Variants in RIMBP2 observed in about 807,000 individuals in gnomAD.
RIMBP2 encodes the protein RIMS-binding protein 2.
RIMBP2 carries 48 observed loss-of-function variants against 118.6 expected under a neutral mutation model. The observed-to-expected ratio is 0.40, with a 90% CI of 0.32 to 0.51. The LOEUF (loss-of-function observed/expected upper bound fraction) is 0.51, where lower values mean the gene tolerates loss of function less well. Among genes scored for constraint, RIMBP2 ranks in the 20% least tolerant of loss-of-function variants. The pLI, the probability that RIMBP2 is intolerant of heterozygous loss-of-function variation, is 0.41. For missense variants in RIMBP2, 1,551 were observed against 1,768.3 expected (o/e 0.88, Z 2.20); for synonymous variants, 762 against 742.9 (o/e 1.03, Z -0.42).
At chr12:130,438,335 A>AGCC in intron 12 of RIMBP2, 30 bp downstream of exon 12, 333 of 864,830 alleles carry the variant, frequency 3.9e-4, no homozygotes, top group Non-Finnish European at 5.5e-4. Flanking sequence ...GGCCTAACAA[A>AGCC]CCCTCCCCAC....
chr12:130,425,287 CT>C (rs1413525440), intron 15 of RIMBP2: 2 of 160,292 alleles, frequency 1.2e-5, no homozygotes, highest in Non-Finnish European at 2.7e-5. Context: ...CCGTGTGTGA[CT>C]GGAGACAGTT....
intron 4 of RIMBP2, among the ~76,000 whole-genome samples, chr12:130,492,367 C>T (rs2048718542): frequency 6.6e-6 from 1 of 150,986 alleles, no homozygotes; most frequent in Non-Finnish European, 1.5e-5. Context: ...TCAGTGAGGT[C>T]TATTTCAGCC....
rs1320760940 is a variant in RIMBP2, at chr12:130,646,052, TCCCTCACCACCTGCCTCTCC to T, written c.-351-17616_-351-17597del. ...TGCGGCAGCCAGTTCCCTCTCCACCTCCCTCACCACCTGCCTCTCCACCTCCCTCACCACTTCCCTCTCCA... is the reference window on the plus strand; with the variant it reads ...TGCGGCAGCCAGTTCCCTCTCCACCTACCTCCCTCACCACTTCCCTCTCCA... On this transcript the variant is annotated intron_variant, in intron 1 of 22. Coordinates refer to ENST00000690449, the MANE Select transcript of RIMBP2 (RefSeq NM_001393629.1). 9.6e-4 allele frequency among the ~76,000 whole-genome samples: 125 copies of T among 130,280 alleles called. 5 individuals carry two copies. The highest frequency in any genetic ancestry group is 3.8e-3 in the Admixed American group (48 of 12,736). The allele number at this position is 130,280 out of a possible 152,430, so 85.5% of individuals were successfully genotyped here.
At chr12:130,651,374 G>A (rs1310163828) in intron 1 of RIMBP2, 2 of 152,334 alleles carry the variant, frequency 1.3e-5, no homozygotes, top group Non-Finnish European at 2.9e-5. Context: ...TGGCGTTGAG[G>A]AGGCTGTCAA....
chr12:130,670,277 G>T lies in RIMBP2; in HGVS notation c.-351-41821C>A, dbSNP rs2064139459. Among the ~76,000 whole-genome samples, 1 of 152,146 alleles carries T rather than the reference G, an allele frequency of 6.6e-6. No homozygotes were observed. Among genetic ancestry groups the T allele is most frequent in the Non-Finnish European group, 1.5e-5 (1 of 68,030 alleles). ...CCTCAGACTTCCGATCTCCAGAACTGAAGTTTTAGGACTCTATATTTATGG... is the reference window on the plus strand; with the variant it reads ...CCTCAGACTTCCGATCTCCAGAACTTAAGTTTTAGGACTCTATATTTATGG... On this transcript the variant is annotated intron_variant, in intron 1 of 22. Transcript: ENST00000690449. This position sits in a 1 kb window ranked among gnomAD's most constrained non-coding sequence, Gnocchi z 4.9.
intron 2 of RIMBP2, among the ~76,000 whole-genome samples, chr12:130,551,434 A>G (rs1304615208): frequency 2.0e-5 from 3 of 152,220 alleles, no homozygotes; most frequent in African/African-American, 7.2e-5. Context: ...GGCCATAGGC[A>G]CTCAGATGTT....
intron 1 of RIMBP2, among the ~76,000 whole-genome samples, chr12:130,648,558 G>C (rs905275950): frequency 6.9e-6 from 1 of 144,638 alleles, no homozygotes; most frequent in African/African-American, 2.5e-5. Flanking sequence ...TGAGGTATGT[G>C]TTTTTCTAAA....
chr12:130,674,864 C>T (rs1160396701), intron 1 of RIMBP2, among the ~76,000 whole-genome samples: 2 of 152,088 alleles, frequency 1.3e-5, no homozygotes, highest in Admixed American at 6.5e-5. Flanking sequence ...TCCTGTAACA[C>T]GTGGCCTTCC....
intron 1 of RIMBP2, among the ~76,000 whole-genome samples, chr12:130,685,304 C>T (rs541481828): frequency 9.2e-5 from 14 of 152,158 alleles, no homozygotes; most frequent in Non-Finnish European, 1.3e-4. Flanking sequence ...CCTTTATATA[C>T]GGATCTCATA....
intron 2 of RIMBP2, among the ~76,000 whole-genome samples, chr12:130,611,461 C>T (rs531160053): frequency 5.3e-5 from 8 of 152,218 alleles, no homozygotes; most frequent in Admixed American, 1.3e-4. Flanking sequence ...TTCATTTACC[C>T]GCATCTCTGC....
intron 2 of RIMBP2, among the ~76,000 whole-genome samples, chr12:130,558,170 G>A (rs2056525536): frequency 6.6e-6 from 1 of 152,166 alleles, no homozygotes; most frequent in Admixed American, 6.5e-5. Context: ...TGCAATGGCA[G>A]GCTGACTTTT....
intron 4 of RIMBP2, among the ~76,000 whole-genome samples, chr12:130,494,908 G>A (rs988955045): frequency 1.3e-5 from 2 of 152,188 alleles, no homozygotes; most frequent in African/African-American, 2.4e-5. Flanking sequence ...TCCAGGTGTC[G>A]GCAGGGCCGG....
At chr12:130,560,591 C>T (rs1339892448) in intron 2 of RIMBP2, among the ~76,000 whole-genome samples, 2 of 152,204 alleles carry the variant, frequency 1.3e-5, no homozygotes, top group Admixed American at 6.5e-5. Flanking sequence ...TTACGCTTTC[C>T]CCATAACACA....
At chr12:130,500,794 G>A (rs574654996) in intron 4 of RIMBP2, among the ~76,000 whole-genome samples, 15 of 152,266 alleles carry the variant, frequency 9.9e-5, no homozygotes, top group African/African-American at 3.1e-4. Context: ...CACAAGACGC[G>A]TCAGGTGCTA....
intron 1 of RIMBP2, among the ~76,000 whole-genome samples, chr12:130,642,467 T>G (rs2062666813): frequency 1.3e-5 from 2 of 152,154 alleles, no homozygotes; most frequent in Admixed American, 6.5e-5. Flanking sequence ...GTATTTTTAG[T>G]GGAGACGGGG....
chr12:130,456,522 T>C lies in RIMBP2; in HGVS notation c.332A>G (p.Asn111Ser). The C allele has an allele frequency of 6.2e-7, 1 of 1,604,300 alleles. No homozygotes were observed. Among genetic ancestry groups the C allele is most frequent in the Non-Finnish European group, 8.5e-7 (1 of 1,172,586 alleles). Reference protein sequence around the residue: ...APSKPFPQFMNGLATSLGKGQ... With the variant: ...APSKPFPQFMSGLATSLGKGQ... ...TTTGCCGAGGGAGGTGGCTAGGCCA[T>C]TCATGAACTGTGGGAAAGGCTTGCT... The change falls in exon 7 of 23, where the codon AAT (asparagine) becomes AGT (serine). Residue 111 changes from asparagine (N) to serine (S), a missense_variant. Coordinates refer to ENST00000690449, the MANE Select transcript of RIMBP2 (RefSeq NM_001393629.1).
At chr12:130,435,692 G>T (rs866759054) in intron 13 of RIMBP2, among the ~76,000 whole-genome samples, 11 of 152,334 alleles carry the variant, frequency 7.2e-5, no homozygotes, top group South Asian at 6.2e-4. Flanking sequence ...TTATAGAAAG[G>T]CCACAAATTC....
intron 19 of RIMBP2, 82 bp from the exon 20 acceptor site, chr12:130,407,911 A>C (rs1441277356): frequency 5.5e-6 from 7 of 1,263,490 alleles, no homozygotes; most frequent in Non-Finnish European, 6.9e-6. Flanking sequence ...CGGGTCACAC[A>C]TGGCCAATAC....
At chr12:130,532,001 ATGCG>A (rs1399864881) in intron 2 of RIMBP2, among the ~76,000 whole-genome samples, 4 of 89,388 alleles carry the variant, frequency 4.5e-5, no homozygotes, top group Admixed American at 1.2e-4. Context: ...GTCTAATGAG[ATGCG>A]TATGTTTAGC....
Sources: allele counts gnomAD v4.1 joint callset (sites outside exome capture counted in the v4.1 genomes callset), GRCh38; gene constraint gnomAD v4.1.1; non-coding constraint Gnocchi (gnomAD v3.1); transcripts MANE v1.5; gene names NCBI Gene and HGNC (gene_info 2026-07-23, HGNC 2026-07-21).